The following AGBL2 variants were observed in gnomAD, a reference collection of about 807,000 sequenced individuals.
The protein encoded by AGBL2 is cytosolic carboxypeptidase 2.
AGBL2 carries 87 observed loss-of-function variants against 103.0 expected under a neutral mutation model. The observed-to-expected ratio is 0.84, with a 90% confidence interval of 0.71 to 1.01. The LOEUF (loss-of-function observed/expected upper bound fraction) is 1.01. Among genes scored for constraint, AGBL2 ranks in the 50% least tolerant of loss-of-function variants. The pLI is 0.00. For synonymous variants in AGBL2, 335 were observed against 356.7 expected (o/e 0.94, Z 0.69); for missense variants, 904 against 1,023.5 (o/e 0.88, Z 1.59).
intron 12 of AGBL2, 60 bp downstream of exon 12, chr11:47,681,909 T>G (rs955917540): frequency 5.7e-6 from 9 of 1,586,326 alleles, no homozygotes; most frequent in Non-Finnish European, 7.7e-6. Flanking sequence ...TTTATCTCCC[T>G]GATGCTTTGC....
chr11:47,710,905 G>C, intron 3 of AGBL2: 1 of 307,776 alleles, frequency 3.2e-6, no homozygotes, highest in Non-Finnish European at 6.1e-6. Context: ...GCGAGATCCT[G>C]TCTCAAAAAA....
chr11:47,705,977 T>C, intron 4 of AGBL2, 60 bp from the exon 5 acceptor site: 2 of 1,387,274 alleles, frequency 1.4e-6, no homozygotes, highest in Non-Finnish European at 2.1e-6. Flanking sequence ...TTTTCTTCTG[T>C]CTGCTATCCC....
chr11:47,666,074 G>A (rs1055826576), intron 17 of AGBL2, among the ~76,000 whole-genome samples: 2 of 151,744 alleles, frequency 1.3e-5, no homozygotes, highest in African/African-American at 2.4e-5. Flanking sequence ...ACCATGGCCG[G>A]ACAGCCTATT....
chr11:47,671,317 C>G (rs1219048940), intron 14 of AGBL2, among the ~76,000 whole-genome samples: 1 of 151,978 alleles, frequency 6.6e-6, no homozygotes, highest in Non-Finnish European at 1.5e-5. Context: ...GAATTCGAGA[C>G]AAGCCTGGCC....
At chr11:47,678,126 G>A (rs1033393199) in intron 13 of AGBL2, among the ~76,000 whole-genome samples, 11 of 151,556 alleles carry the variant, frequency 7.3e-5, no homozygotes, top group Non-Finnish European at 1.5e-4. Context: ...ACCACGCCCA[G>A]CTAATTTTTG....
At chr11:47,709,896 C>CT (rs1024582677) in intron 4 of AGBL2, among the ~76,000 whole-genome samples, 51 of 145,936 alleles carry the variant, frequency 3.5e-4, no homozygotes, top group East Asian at 2.6e-3. Flanking sequence ...GTGTATTACT[C>CT]TTTTTTTTTT....
intron 13 of AGBL2, among the ~76,000 whole-genome samples, chr11:47,677,813 T>C (rs2097381561): frequency 6.6e-6 from 1 of 152,100 alleles, no homozygotes; most frequent in Non-Finnish European, 1.5e-5. Context: ...TATTTATTGC[T>C]GGGAACACAA....
rs7114921 is a variant in AGBL2, at chr11:47,661,469, G to C, written c.2536-1123C>G. Among the ~76,000 whole-genome samples the C allele has an allele frequency of 4.2e-3, 642 of 152,180 alleles. 1 individual carries two copies. Among genetic ancestry groups the C allele is most frequent in the African/African-American group, 0.015 (627 of 41,524 alleles). ...ATATGGTGATTGGACTATCAGTCTT[G>C]TCACTCCTAGAGGATCTTGTCTTCA... is the stretch of plus-strand genomic sequence containing the variant. On this transcript the variant is annotated intron_variant, in intron 18 of 18. Transcript: ENST00000525123.
intron 11 of AGBL2, among the ~76,000 whole-genome samples, chr11:47,682,934 T>C (rs891629963): frequency 2.0e-5 from 3 of 150,918 alleles, no homozygotes; most frequent in Non-Finnish European, 2.9e-5. Context: ...TAGATATGGG[T>C]TCTGGGTGTG....
intron 7 of AGBL2, among the ~76,000 whole-genome samples, chr11:47,703,794 A>G (rs1397780625): frequency 6.6e-6 from 1 of 151,868 alleles, no homozygotes; most frequent in Non-Finnish European, 1.5e-5. Context: ...GTGTGGTGGC[A>G]CATGCCTGTA....
intron 11 of AGBL2, among the ~76,000 whole-genome samples, chr11:47,684,046 T>A (rs1224928140): frequency 6.6e-6 from 1 of 151,020 alleles, no homozygotes; most frequent in African/African-American, 2.4e-5. Flanking sequence ...AGGTAAGGAG[T>A]TTGAGACCAG....
chr11:47,660,352 C>A lies in AGBL2; in HGVS notation c.2536-6G>T. ...GTAAAGCCTGGCTTCTTATTCTGTG[C>A]AAATAAGATTTTAAAAAGTTGAATT... On this transcript the variant is annotated splice_region_variant and splice_polypyrimidine_tract_variant and intron_variant, in intron 18 of 18. Transcript: ENST00000525123. 1 of 1,590,852 alleles carries A rather than the reference C, an allele frequency of 6.3e-7. No individual in the cohort carries two copies. Among genetic ancestry groups the A allele is most frequent in the Admixed American group, 1.8e-5 (1 of 55,320 alleles).
chr11:47,713,454 G>A (rs1157730257), intron 3 of AGBL2, among the ~76,000 whole-genome samples: 1 of 150,982 alleles, frequency 6.6e-6, no homozygotes, highest in Non-Finnish European at 1.5e-5. Flanking sequence ...GAACCTGGGA[G>A]GCAGAGGTTG....
intron 7 of AGBL2, among the ~76,000 whole-genome samples, chr11:47,701,988 A>G (rs7117115): frequency 0.35 from 52,350 of 149,322 alleles, 10,557 homozygotes; most frequent in South Asian, 0.52. Flanking sequence ...AAAAAAAAAA[A>G]AAAAGAAAAA....
intron 14 of AGBL2, among the ~76,000 whole-genome samples, chr11:47,676,785 G>A (rs1455336573): frequency 7.2e-6 from 1 of 138,776 alleles, no homozygotes; most frequent in Middle Eastern, 4.0e-3. Flanking sequence ...CGCCACTGCA[G>A]CCTGGGCGAC....
intron 10 of AGBL2, among the ~76,000 whole-genome samples, chr11:47,686,447 GTT>G (rs563969184): frequency 1.3e-3 from 137 of 105,052 alleles, no homozygotes; most frequent in Middle Eastern, 7.6e-3. Flanking sequence ...TTTGTTTCTG[GTT>G]TTTTTTTTTT....
chr11:47,684,623 TC>T (rs2097416897), intron 11 of AGBL2, among the ~76,000 whole-genome samples: 1 of 151,846 alleles, frequency 6.6e-6, no homozygotes, highest in Non-Finnish European at 1.5e-5. Flanking sequence ...AAAAATCCAA[TC>T]TACTTTCTTC....
At chr11:47,714,517 C>T in intron 2 of AGBL2, 101 bp downstream of exon 2, 1 of 1,396,654 alleles carries the variant, frequency 7.2e-7, no homozygotes. Context: ...AAAGATGCCA[C>T]CAGAACATCC....
intron 18 of AGBL2, among the ~76,000 whole-genome samples, chr11:47,662,363 A>G (rs1204877139): frequency 6.6e-6 from 1 of 151,544 alleles, no homozygotes; most frequent in Non-Finnish European, 1.5e-5. Context: ...TAGTTGAGAC[A>G]GGGTTTGGCC....
Sources: allele counts gnomAD v4.1 joint callset (sites outside exome capture counted in the v4.1 genomes callset), GRCh38; gene constraint gnomAD v4.1.1; transcripts MANE v1.5; gene names NCBI Gene and HGNC (gene_info 2026-07-23, HGNC 2026-07-21).